The following RAD50 variants were observed in gnomAD, a reference collection of about 807,000 sequenced individuals.
The protein encoded by RAD50 is DNA repair protein RAD50.
In RAD50, 132 loss-of-function variants were observed where a neutral mutation model predicts 168.8. The observed-to-expected ratio is 0.78, with a 90% confidence interval of 0.68 to 0.90. RAD50 has a LOEUF of 0.90. RAD50 is among the 40% of genes least tolerant of loss of function. The probability of loss-of-function intolerance (pLI) is 0.00; values close to 1 mark genes in which losing one functional copy is unlikely to be tolerated. For synonymous variants in RAD50, 525 were observed against 497.4 expected (o/e 1.06, Z -0.74); for missense variants, 1,347 against 1,534.4 (o/e 0.88, Z 2.04).
chr5:132,561,838 A>G (rs1242710152), intron 2 of RAD50, among the ~76,000 whole-genome samples: 1 of 151,224 alleles, frequency 6.6e-6, no homozygotes, highest in Non-Finnish European at 1.5e-5. Flanking sequence ...CTACATAAGC[A>G]ATTCTTACCT....
intron 3 of RAD50, among the ~76,000 whole-genome samples, chr5:132,577,419 G>A (rs1750418841): frequency 6.6e-6 from 1 of 152,204 alleles, no homozygotes; most frequent in Admixed American, 6.5e-5. Flanking sequence ...GCTGTGCAAT[G>A]TAACATTCAC....
chr5:132,607,721 A>G (rs1751010289), intron 16 of RAD50, among the ~76,000 whole-genome samples: 1 of 152,216 alleles, frequency 6.6e-6, no homozygotes, highest in Non-Finnish European at 1.5e-5. Context: ...ATGTCTCATG[A>G]GTGCCTAAGT....
intron 21 of RAD50, among the ~76,000 whole-genome samples, chr5:132,620,861 A>T (rs1751273049): frequency 6.6e-6 from 1 of 152,200 alleles, no homozygotes; most frequent in Non-Finnish European, 1.5e-5. Flanking sequence ...AGTAAACTGG[A>T]GACAAGAAAA....
At chr5:132,578,754 C>T (rs1750447013) in intron 3 of RAD50, among the ~76,000 whole-genome samples, 1 of 151,934 alleles carries the variant, frequency 6.6e-6, no homozygotes, top group African/African-American at 2.4e-5. Context: ...GTCTCGAACT[C>T]CTGACCTCAG....
At chr5:132,602,066 C>G (rs1750898808) in intron 13 of RAD50, among the ~76,000 whole-genome samples, 1 of 151,998 alleles carries the variant, frequency 6.6e-6, no homozygotes, top group Non-Finnish European at 1.5e-5. Context: ...CACCATGGCA[C>G]GTGTATACCT....
intron 14 of RAD50, 142 bp from the exon 15 acceptor site, chr5:132,603,778 C>G: frequency 2.4e-6 from 2 of 843,888 alleles, no homozygotes; most frequent in East Asian, 2.7e-5. Context: ...CACTTTTATC[C>G]TATTAAACTT....
chr5:132,571,293 C>G (rs912321495), intron 2 of RAD50, among the ~76,000 whole-genome samples: 12 of 151,762 alleles, frequency 7.9e-5, no homozygotes, highest in African/African-American at 2.9e-4. Context: ...AGGGTTGCCA[C>G]AAACCTCTGA....
chr5:132,637,531 T>TTTTTTTTTCTTTTTC (rs1751611845), intron 22 of RAD50, among the ~76,000 whole-genome samples: 1 of 77,218 alleles, frequency 1.3e-5, no homozygotes, highest in Non-Finnish European at 2.4e-5. Flanking sequence ...TTCTTTTTCT[T>TTTTTTTTTCTTTTTC]TTTTTTTTTT....
chr5:132,646,110 AAAAG>A lies in RAD50; in HGVS notation c.*3747_*3750del, dbSNP rs915484261. The A allele has an allele frequency of 2.0e-5, 3 of 151,430 alleles. No homozygotes were observed. The highest frequency in any genetic ancestry group is 2.9e-5 in the Non-Finnish European group (2 of 67,988). The allele number at this position is 151,430 out of a possible 1,614,324, so 9.4% of individuals were successfully genotyped here. A position where few individuals can be genotyped will look rare whatever the true frequency, so the allele number is the denominator to read the frequency against. On this transcript the variant is annotated 3_prime_UTR_variant, in exon 25 of 25. Coordinates refer to ENST00000378823, the MANE Select transcript of RAD50 (RefSeq NM_005732.4). The stretch of plus-strand genomic sequence containing the variant: ...AAAAAGACAAAAAAAAAAAAAAAAA[AAAAG>A]CAGCAGCAGCTGAAAGTTGGCAGGA...
At chr5:132,579,547 A>T in intron 4 of RAD50, 45 bp downstream of exon 4, 1 of 1,565,432 alleles carries the variant, frequency 6.4e-7, no homozygotes, top group Middle Eastern at 2.2e-4. Context: ...AAGTTATTGA[A>T]CTGTGTTTGC....
chr5:132,617,989 C>G (rs548329632), intron 20 of RAD50, 81 bp from the exon 21 acceptor site: 2 of 1,132,334 alleles, frequency 1.8e-6, no homozygotes, highest in South Asian at 1.2e-5. Context: ...CTTAACCTAT[C>G]TAAAGAAATC....
intron 2 of RAD50, 78 bp downstream of exon 2, chr5:132,559,445 A>G: frequency 1.4e-6 from 2 of 1,433,426 alleles, no homozygotes; most frequent in Non-Finnish European, 1.9e-6. Flanking sequence ...TTGGCACTGG[A>G]AAACTATAAA....
At chr5:132,588,201 C>A in intron 7 of RAD50, 112 bp downstream of exon 7, 2 of 1,220,552 alleles carry the variant, frequency 1.6e-6, no homozygotes, top group Non-Finnish European at 2.3e-6. Flanking sequence ...TCTTAAAAGG[C>A]TATACACAGT....
intron 13 of RAD50, among the ~76,000 whole-genome samples, chr5:132,598,064 T>G (rs566383286): frequency 6.6e-6 from 1 of 151,756 alleles, no homozygotes; most frequent in African/African-American, 2.4e-5. Flanking sequence ...TTTTTTTTTT[T>G]TGAGACAGAG....
At chr5:132,567,197 C>T (rs1330714445) in intron 2 of RAD50, among the ~76,000 whole-genome samples, 2 of 151,048 alleles carry the variant, frequency 1.3e-5, no homozygotes, top group Non-Finnish European at 2.9e-5. Context: ...TTTTTTAAAG[C>T]AGAATCCAGT....
intron 19 of RAD50, among the ~76,000 whole-genome samples, chr5:132,611,579 G>A (rs1206428856): frequency 1.0e-4 from 15 of 150,392 alleles, no homozygotes; most frequent in African/African-American, 2.2e-4. Context: ...GGTGGTGGGC[G>A]CCTGTAGTCC....
intron 9 of RAD50, 92 bp downstream of exon 9, chr5:132,589,929 AATAAAAACATC>A (rs1339758559): frequency 8.7e-7 from 1 of 1,147,854 alleles, no homozygotes; most frequent in African/African-American, 1.6e-5. Context: ...ATAGCATTTT[AATAAAAACATC>A]AACTTTGTCT....
rs1409536884 is a variant in RAD50, at chr5:132,644,386, G to A, written c.*2022G>A. 1.2e-5 allele frequency: 2 copies of A among 171,340 alleles called. No individual in the cohort carries two copies. Among genetic ancestry groups the A allele is most frequent in the Non-Finnish European group, 2.5e-5 (2 of 79,000 alleles). 10.6% of individuals were successfully genotyped at this position (171,340 alleles called of 1,614,324 possible). On this transcript the variant is annotated 3_prime_UTR_variant, in exon 25 of 25. Coordinates refer to ENST00000378823, the MANE Select transcript of RAD50 (RefSeq NM_005732.4). ...AATAGCCATCACAGCATGGATGGAG[G>A]TTAGAATGAGCCAGACTGCCTGGGC...
chr5:132,632,483 GT>G (rs142345241), intron 21 of RAD50, among the ~76,000 whole-genome samples: 3 of 151,442 alleles, frequency 2.0e-5, no homozygotes, highest in East Asian at 3.9e-4. Context: ...ATTTTTCTGA[GT>G]TTTTTTTTCC....
Sources: allele counts gnomAD v4.1 joint callset (sites outside exome capture counted in the v4.1 genomes callset), GRCh38; gene constraint gnomAD v4.1.1; transcripts MANE v1.5; gene names NCBI Gene and HGNC (gene_info 2026-07-23, HGNC 2026-07-21).